Variants in SCN2A observed in about 807,000 individuals in gnomAD.
SCN2A encodes sodium channel protein type 2 subunit alpha.
A neutral mutation model predicts 188.7 loss-of-function variants in SCN2A; 20 were observed. The observed-to-expected ratio is 0.11, with a 90% CI of 0.07 to 0.15. The LOEUF (loss-of-function observed/expected upper bound fraction) is 0.15. Ranked by LOEUF, SCN2A falls within the 10% of genes least tolerant of loss-of-function variation. The pLI is 1.00. For synonymous variants in SCN2A, 804 were observed against 833.1 expected, an observed-to-expected ratio of 0.97 and a Z score of 0.60; for missense variants, 1,278 against 2,445.0, an observed-to-expected ratio of 0.52 and a Z score of 10.07.
At chr2:165,313,521 T>C in intron 8 of SCN2A, 99 bp from the exon 9 acceptor site, 2 of 1,435,270 alleles carry the variant, frequency 1.4e-6, no homozygotes, top group Non-Finnish European at 2.0e-6. Flanking sequence ...TTTTTTCTAG[T>C]GCCTGTATAA....
intron 8 of SCN2A, among the ~76,000 whole-genome samples, chr2:165,313,400 C>T (rs550094584): frequency 6.6e-6 from 1 of 152,144 alleles, no homozygotes; most frequent in South Asian, 2.1e-4. Context: ...ATAATAATGA[C>T]AATTATGAAT....
intron 1 of SCN2A, among the ~76,000 whole-genome samples, chr2:165,282,411 A>G (rs1272349437): frequency 3.9e-5 from 6 of 152,212 alleles, no homozygotes; most frequent in Non-Finnish European, 8.8e-5. Flanking sequence ...GCTCTGAATC[A>G]GGGACACTCA....
chr2:165,328,288 C>T (rs963052872), intron 13 of SCN2A: 1 of 153,322 alleles, frequency 6.5e-6, no homozygotes, highest in African/African-American at 2.4e-5. Context: ...TAATGCAATT[C>T]ACTGATTTCA....
chr2:165,382,232 C>T (rs574708160), intron 25 of SCN2A, among the ~76,000 whole-genome samples: 21 of 152,042 alleles, frequency 1.4e-4, no homozygotes, highest in Non-Finnish European at 2.4e-4. Context: ...TTCCGAGTTA[C>T]ATGAGACAAG....
In SCN2A at chr2:165,391,393, T is replaced by C. The variant is rs942514218; in HGVS notation, c.*1569T>C. ...TAAATACTGTAAAAAGTTCATTTTA[T>C]TTTATTTTTCAGCCTTTTGTACGTA... On this transcript the variant is annotated 3_prime_UTR_variant, in exon 27 of 27. Coordinates refer to ENST00000375437, the MANE Select transcript of SCN2A (RefSeq NM_001040142.2). 2 of 152,574 alleles carry C rather than the reference T, an allele frequency of 1.3e-5. No homozygotes were observed. Among genetic ancestry groups the C allele is most frequent in the Non-Finnish European group, 2.9e-5 (2 of 68,004 alleles). 9.5% of individuals were successfully genotyped at this position (152,574 alleles called of 1,614,324 possible). A position where few individuals can be genotyped will look rare whatever the true frequency, so the allele number is the denominator to read the frequency against.
At chr2:165,370,076 T>G in intron 19 of SCN2A, 50 bp from the exon 20 acceptor site, 1 of 1,517,268 alleles carries the variant, frequency 6.6e-7, no homozygotes, top group Non-Finnish European at 9.1e-7. Context: ...AAATCATCAA[T>G]TAGAGACTGT....
chr2:165,339,190 C>T (rs1456401433), intron 14 of SCN2A, among the ~76,000 whole-genome samples: 1 of 151,044 alleles, frequency 6.6e-6, no homozygotes, highest in African/African-American at 2.4e-5. Flanking sequence ...CACTGCACTC[C>T]ACACTTCAGC....
chr2:165,328,406 A>G lies in SCN2A; in HGVS notation c.2149+1422A>G, dbSNP rs527338597. On this transcript the variant is annotated intron_variant, in intron 13 of 26. Coordinates refer to ENST00000375437, the MANE Select transcript of SCN2A (RefSeq NM_001040142.2). ...CTTGCTCCTCCCTGTCCCTCCAGGTAAATCTTTTGAAGATTGTCTGGCCTT... is the reference window on the plus strand; with the variant it reads ...CTTGCTCCTCCCTGTCCCTCCAGGTGAATCTTTTGAAGATTGTCTGGCCTT... 8.3e-6 allele frequency: 7 copies of G among 844,460 alleles called. No individual in the cohort carries two copies. In the Admixed American group the frequency reaches 3.7e-4, roughly 45 times the overall value. 52.3% of individuals were successfully genotyped at this position (844,460 alleles called of 1,614,324 possible). A position where few individuals can be genotyped will look rare whatever the true frequency, so the allele number is the denominator to read the frequency against.
intron 1 of SCN2A, chr2:165,266,317 C>T (rs895223805): frequency 1.3e-5 from 2 of 151,910 alleles, no homozygotes; most frequent in African/African-American, 2.4e-5. Context: ...TGATTTTTTA[C>T]TAGTGTTCTT....
At chr2:165,271,076 T>C (rs1695084327) in intron 1 of SCN2A, 1 of 152,150 alleles carries the variant, frequency 6.6e-6, no homozygotes, top group African/African-American at 2.4e-5. Flanking sequence ...AAAAATCTGT[T>C]CAAGCTTGTC....
At chr2:165,289,456 T>C (rs898075471) in intron 1 of SCN2A, among the ~76,000 whole-genome samples, 11 of 152,256 alleles carry the variant, frequency 7.2e-5, no homozygotes, top group African/African-American at 2.4e-4. Flanking sequence ...ATCGTTTGCC[T>C]TTCTCATTAT....
intron 1 of SCN2A, among the ~76,000 whole-genome samples, chr2:165,279,002 T>G (rs1167401312): frequency 6.7e-6 from 1 of 148,514 alleles, no homozygotes; most frequent in Non-Finnish European, 1.5e-5. Flanking sequence ...AAGGAAGGAA[T>G]GAAGGAAGGA....
chr2:165,241,319 C>T (rs770242184), intron 1 of SCN2A, among the ~76,000 whole-genome samples: 2 of 152,150 alleles, frequency 1.3e-5, no homozygotes, highest in Non-Finnish European at 2.9e-5. Context: ...TCTTAGTATG[C>T]CTTTTTCATT....
chr2:165,248,038 T>A, intron 1 of SCN2A, among the ~76,000 whole-genome samples: 1 of 152,072 alleles, frequency 6.6e-6, no homozygotes, highest in Non-Finnish European at 1.5e-5. Flanking sequence ...TCCTGTTGAT[T>A]TCAACTTCAG....
At chr2:165,290,676 G>C (rs1696055341) in intron 1 of SCN2A, 1 of 633,818 alleles carries the variant, frequency 1.6e-6, no homozygotes, top group Admixed American at 6.3e-5. Flanking sequence ...CATCTGTAAA[G>C]TAAGACCTGA....
intron 1 of SCN2A, among the ~76,000 whole-genome samples, chr2:165,284,217 T>C (rs1261749697): frequency 2.6e-5 from 4 of 152,020 alleles, no homozygotes; most frequent in African/African-American, 4.8e-5. Context: ...GTCGCCCAGG[T>C]TGGAGTGCAG....
chr2:165,358,166 A>G (rs1291113292), intron 17 of SCN2A, among the ~76,000 whole-genome samples: 4 of 152,180 alleles, frequency 2.6e-5, no homozygotes, highest in Non-Finnish European at 5.9e-5. Context: ...TTTTGAACAT[A>G]TTAGGAGCCC....
intron 23 of SCN2A, among the ~76,000 whole-genome samples, chr2:165,379,147 A>G (rs1162604209): frequency 1.3e-5 from 2 of 151,828 alleles, no homozygotes; most frequent in Non-Finnish European, 2.9e-5. Context: ...AGGATAATCT[A>G]TGTACAAAAA....
intron 1 of SCN2A, among the ~76,000 whole-genome samples, chr2:165,246,351 A>G (rs1343260734): frequency 6.6e-6 from 1 of 152,026 alleles, no homozygotes; most frequent in Non-Finnish European, 1.5e-5. Context: ...TTTTCCTCCA[A>G]TGATCATGTT....
Sources: allele counts gnomAD v4.1 joint callset (sites outside exome capture counted in the v4.1 genomes callset), GRCh38; gene constraint gnomAD v4.1.1; transcripts MANE v1.5; gene names NCBI Gene and HGNC (gene_info 2026-07-23, HGNC 2026-07-21).